The following PTDSS2 variants were observed in gnomAD, a reference collection of about 807,000 sequenced individuals.
The protein encoded by PTDSS2 is phosphatidylserine synthase 2.
A neutral mutation model predicts 64.7 loss-of-function variants in PTDSS2; 41 were observed. That is an observed-to-expected ratio of 0.63 (90% CI 0.49 to 0.82). The LOEUF (loss-of-function observed/expected upper bound fraction) is 0.82. PTDSS2 is among the 40% of genes least tolerant of loss of function. PTDSS2 has a pLI of 0.00. For synonymous variants in PTDSS2, 297 were observed against 277.8 expected (o/e 1.07, Z -0.69); for missense variants, 485 against 650.0 (o/e 0.75, Z 2.76).
At chr11:458,440 C>T (rs1251411765) in intron 1 of PTDSS2, among the ~76,000 whole-genome samples, 3 of 150,428 alleles carry the variant, frequency 2.0e-5, no homozygotes, top group Non-Finnish European at 3.0e-5. Context: ...CTCCTGACCT[C>T]GTGATCCGCC....
At chr11:450,958 A>G (rs1272684564) in intron 1 of PTDSS2, among the ~76,000 whole-genome samples, 2 of 138,512 alleles carry the variant, frequency 1.4e-5, no homozygotes, top group African/African-American at 5.6e-5. Context: ...TCTGCGATCC[A>G]GACCCCTTCC....
intron 1 of PTDSS2, among the ~76,000 whole-genome samples, chr11:455,897 G>T (rs370193405): frequency 2.0e-5 from 3 of 152,202 alleles, no homozygotes; most frequent in South Asian, 4.1e-4. Context: ...CTTCTCCCGG[G>T]TGTGGCTGGG....
At chr11:459,098 A>G in intron 1 of PTDSS2, 1 of 116,524 alleles carries the variant, frequency 8.6e-6, no homozygotes, top group African/African-American at 3.3e-5. Flanking sequence ...ACGTGAGGGG[A>G]CACTCCGGTG....
chr11:477,006 G>C (rs1038099436), intron 3 of PTDSS2, among the ~76,000 whole-genome samples: 2 of 152,174 alleles, frequency 1.3e-5, no homozygotes, highest in Non-Finnish European at 2.9e-5. Flanking sequence ...GTCCTGTGCA[G>C]CGGAGGCTCT....
chr11:458,806 A>G (rs1846722395), intron 1 of PTDSS2: 1 of 152,184 alleles, frequency 6.6e-6, no homozygotes, highest in African/African-American at 2.4e-5. Flanking sequence ...TTTATCAGAT[A>G]TATGTATTGT....
chr11:469,043 C>G (rs1440153428), intron 2 of PTDSS2, among the ~76,000 whole-genome samples: 17 of 41,522 alleles, frequency 4.1e-4, no homozygotes, highest in Admixed American at 6.4e-4. Context: ...AGGAGGAGGG[C>G]AGTCTCTGGG....
At chr11:483,459 A>G (rs1489375883) in intron 4 of PTDSS2, among the ~76,000 whole-genome samples, 3 of 152,188 alleles carry the variant, frequency 2.0e-5, no homozygotes, top group Non-Finnish European at 2.9e-5. Flanking sequence ...TTTTTCGTAG[A>G]TCTCCCTTAC....
In PTDSS2 at chr11:489,991, G is replaced by C; in HGVS notation, c.1224G>C (p.Leu408=). 3 of 1,612,278 alleles carry C rather than the reference G, an allele frequency of 1.9e-6. No homozygotes were observed. Among genetic ancestry groups the C allele is most frequent in the Non-Finnish European group, 2.5e-6 (3 of 1,179,976 alleles). Residue 408 remains leucine, a synonymous_variant, in exon 11 of 12, where the codon CTG becomes CTC. Transcript: ENST00000308020. The part of the protein sequence containing the change: ...KYDPHTLTLS[L]PFYISQCWTL... ...ACCCCCACACGCTCACCCTGTCCCTGCCCTTCTACATCTCCCAGTGCTGGA... is the reference window on the plus strand; with the variant it reads ...ACCCCCACACGCTCACCCTGTCCCTCCCCTTCTACATCTCCCAGTGCTGGA...
chr11:466,299 C>T (rs1847137927), intron 2 of PTDSS2, among the ~76,000 whole-genome samples: 2 of 151,746 alleles, frequency 1.3e-5, no homozygotes, highest in Non-Finnish European at 2.9e-5. Flanking sequence ...GGGGAGGCCT[C>T]AGGAAACGTA....
Position 487,480 on chromosome 11 carries a change from C to T in PTDSS2, c.621+10C>T, listed in dbSNP as rs763790920. ...TGGCTGGTACCTGAAGGTACGGCACCTCCTCTTCCCGGCCTCCCCGCCCCG... is the reference window on the plus strand; with the variant it reads ...TGGCTGGTACCTGAAGGTACGGCACTTCCTCTTCCCGGCCTCCCCGCCCCG... On this transcript the variant is annotated intron_variant, in intron 6 of 11. Coordinates refer to ENST00000308020, the MANE Select transcript of PTDSS2 (RefSeq NM_030783.3). 11 of 1,613,296 alleles carry T rather than the reference C, an allele frequency of 6.8e-6. 1 individual carries two copies. In the South Asian group the frequency reaches 9.9e-5, roughly 14 times the overall value.
chr11:489,858 G>A lies in PTDSS2; in HGVS notation c.1116-25G>A, dbSNP rs749611220. The A allele has an allele frequency of 4.2e-5, 66 of 1,559,514 alleles. 1 individual carries two copies. The highest frequency in any genetic ancestry group is 3.6e-4 in the Admixed American group (19 of 52,124). On this transcript the variant is annotated intron_variant, in intron 10 of 11. Transcript: ENST00000308020. Reference sequence around the variant, plus strand: ...TGGAGGACCCTGCGGGGCCCGGGACGCTGAACCCCCTGCTGCCCCTGCAGG... The same window carrying A: ...TGGAGGACCCTGCGGGGCCCGGGACACTGAACCCCCTGCTGCCCCTGCAGG...
intron 2 of PTDSS2, among the ~76,000 whole-genome samples, chr11:469,558 G>A (rs1158477703): frequency 6.6e-6 from 1 of 152,114 alleles, no homozygotes; most frequent in Non-Finnish European, 1.5e-5. Flanking sequence ...GAGGGACGAG[G>A]TTGGAGTGGC....
Position 485,097 on chromosome 11 carries a change from C to T in PTDSS2, c.436-1842C>T, listed in dbSNP as rs541931634. On this transcript the variant is annotated intron_variant, in intron 4 of 11. Transcript: ENST00000308020. Reference sequence around the variant, plus strand: ...GGCACGTGTGCTTACTGTGCACAGGCGAGTGTAAACAGTGCACGGGCGCGT... The same window carrying T: ...GGCACGTGTGCTTACTGTGCACAGGTGAGTGTAAACAGTGCACGGGCGCGT... Among the ~76,000 whole-genome samples, 10 of 79,448 alleles carry T rather than the reference C, an allele frequency of 1.3e-4. No individual in the cohort carries two copies. The East Asian group carries it at 2.2e-3, about 17-fold the overall frequency. The allele number at this position is 79,448 out of a possible 152,430, so 52.1% of individuals were successfully genotyped here. A position where few individuals can be genotyped will look rare whatever the true frequency, so the allele number is the denominator to read the frequency against.
intron 2 of PTDSS2, among the ~76,000 whole-genome samples, chr11:464,574 C>A (rs557275403): frequency 6.6e-6 from 1 of 152,200 alleles, no homozygotes; most frequent in Non-Finnish European, 1.5e-5. Flanking sequence ...TTCCTGTGAA[C>A]GCAGTTGCTC....
chr11:487,352 G>T, intron 5 of PTDSS2, 68 bp from the exon 6 acceptor site: 1 of 1,424,490 alleles, frequency 7.0e-7, no homozygotes, highest in South Asian at 1.1e-5. Flanking sequence ...GGTGTGGGCT[G>T]ATCTGCCGGT....
intron 1 of PTDSS2, among the ~76,000 whole-genome samples, chr11:452,392 C>T (rs1358343539): frequency 6.6e-6 from 1 of 152,258 alleles, no homozygotes; most frequent in Non-Finnish European, 1.5e-5. Flanking sequence ...TGCAAGCCTG[C>T]GCAGCCCACC....
intron 1 of PTDSS2, among the ~76,000 whole-genome samples, chr11:456,972 C>T (rs974934873): frequency 2.2e-4 from 33 of 152,304 alleles, no homozygotes; most frequent in African/African-American, 7.7e-4. Flanking sequence ...GAAGAATTCA[C>T]TTTCATGCCT....
At chr11:469,326 GA>G (rs1847303166) in intron 2 of PTDSS2, among the ~76,000 whole-genome samples, 1 of 105,640 alleles carries the variant, frequency 9.5e-6, no homozygotes, top group Non-Finnish European at 2.0e-5. Flanking sequence ...GAGGGAGGAG[GA>G]GGGCAGTCTC....
intron 1 of PTDSS2, among the ~76,000 whole-genome samples, chr11:455,228 C>T (rs1846530602): frequency 6.6e-6 from 1 of 152,218 alleles, no homozygotes. Context: ...GTTGTCTCTT[C>T]CACGGTTAGC....
Sources: gnomAD v4.1 joint callset for allele counts (sites outside exome capture counted in the v4.1 genomes callset) on GRCh38, gnomAD v4.1.1 for gene constraint, MANE v1.5 for transcripts, NCBI Gene and HGNC (gene_info 2026-07-23, HGNC 2026-07-21) for gene names.